Variants in TMEM108 observed in about 807,000 individuals in gnomAD.
TMEM108 encodes transmembrane protein 108, also known as cancer/testis antigen 124.
TMEM108 carries 12 observed loss-of-function variants against 35.1 expected under a neutral mutation model. The ratio of observed to expected loss-of-function variants is 0.34; its 90% CI spans 0.22 to 0.55. TMEM108 has a LOEUF of 0.55. Among genes scored for constraint, TMEM108 ranks in the 20% least tolerant of loss-of-function variants. TMEM108 has a pLI of 0.89. For synonymous variants in TMEM108, 287 were observed against 308.6 expected (o/e 0.93, Z 0.73); for missense variants, 680 against 753.3 (o/e 0.90, Z 1.14).
chr3:133,115,710 TTTG>T (rs1223005828), intron 2 of TMEM108, among the ~76,000 whole-genome samples: 1 of 152,192 alleles, frequency 6.6e-6, no homozygotes, highest in Admixed American at 6.5e-5. Flanking sequence ...TTCTTACAGA[TTTG>T]TTGTGATAAT....
At position 133,227,189 on chromosome 3, in the gene TMEM108, C is replaced by CTTTT. The variant is rs35518753; in HGVS notation, c.-46-2057_-46-2054dup. 5.8e-4 allele frequency among the ~76,000 whole-genome samples: 48 copies of CTTTT among 83,476 alleles called. 1 individual carries two copies. Among genetic ancestry groups the CTTTT allele is most frequent in the Middle Eastern group, 8.6e-3 (1 of 116 alleles). 54.8% of individuals were successfully genotyped at this position (83,476 alleles called of 152,430 possible). On this transcript the variant is annotated intron_variant, in intron 2 of 5. Transcript: ENST00000321871. The stretch of plus-strand genomic sequence containing the variant: ...TAATCTTGGACTAAGGAAGGCCTTT[C>CTTTT]TTTTTTTTTTTTTTTTTTTTTTTGA...
At chr3:133,110,593 A>G (rs1448360851) in intron 2 of TMEM108, among the ~76,000 whole-genome samples, 3 of 152,144 alleles carry the variant, frequency 2.0e-5, no homozygotes, top group Non-Finnish European at 4.4e-5. Context: ...TTGTTGTCAC[A>G]TAGCCAGAGA....
At chr3:133,223,695 A>C (rs1247472161) in intron 2 of TMEM108, among the ~76,000 whole-genome samples, 1 of 152,236 alleles carries the variant, frequency 6.6e-6, no homozygotes, top group Admixed American at 6.5e-5. Context: ...CATCATTAGA[A>C]TAGTAAGTTA....
intron 3 of TMEM108, among the ~76,000 whole-genome samples, chr3:133,229,821 A>G (rs774365198): frequency 2.6e-5 from 4 of 152,216 alleles, no homozygotes; most frequent in Non-Finnish European, 5.9e-5. Context: ...TTAAAATGTT[A>G]TGCATAGCTA....
intron 2 of TMEM108, among the ~76,000 whole-genome samples, chr3:133,168,567 G>A (rs1365476498): frequency 6.6e-6 from 1 of 152,098 alleles, no homozygotes; most frequent in Non-Finnish European, 1.5e-5. Context: ...GGTAAAAAAA[G>A]GACCAATCAG....
At chr3:133,109,933 T>C (rs942976253) in intron 2 of TMEM108, among the ~76,000 whole-genome samples, 23 of 152,170 alleles carry the variant, frequency 1.5e-4, no homozygotes, top group African/African-American at 5.5e-4. Context: ...GAATTGTGAT[T>C]TGTAGCTATG....
At chr3:133,336,651 C>T (rs1201262338) in intron 3 of TMEM108, among the ~76,000 whole-genome samples, 2 of 151,872 alleles carry the variant, frequency 1.3e-5, no homozygotes, top group Admixed American at 1.3e-4. Flanking sequence ...ACTACTTCTG[C>T]TTGAGAAAAG....
chr3:133,317,268 T>A (rs1445344299), intron 3 of TMEM108, among the ~76,000 whole-genome samples: 2 of 152,002 alleles, frequency 1.3e-5, no homozygotes, highest in Non-Finnish European at 2.9e-5. Context: ...TGATGGCCTT[T>A]AAAAAAAACT....
chr3:133,382,549 A>ACCAT (rs1354675540), intron 4 of TMEM108, among the ~76,000 whole-genome samples: 1 of 152,170 alleles, frequency 6.6e-6, no homozygotes, highest in African/African-American at 2.4e-5. Flanking sequence ...CTGGCTACGG[A>ACCAT]AGAGGGAGCC....
At chr3:133,249,255 G>A (rs1229475731) in intron 3 of TMEM108, among the ~76,000 whole-genome samples, 1 of 152,162 alleles carries the variant, frequency 6.6e-6, no homozygotes, top group African/African-American at 2.4e-5. Flanking sequence ...TGTTTCAGAG[G>A]GTGAAAAGAA....
intron 3 of TMEM108, among the ~76,000 whole-genome samples, chr3:133,300,061 G>T (rs564180909): frequency 4.0e-4 from 61 of 152,234 alleles, no homozygotes; most frequent in Non-Finnish European, 6.2e-4. Context: ...GTTAGAATCG[G>T]TAGACTACTT....
chr3:133,218,929 T>G (rs1002014781), intron 2 of TMEM108, among the ~76,000 whole-genome samples: 50 of 152,036 alleles, frequency 3.3e-4, no homozygotes, highest in African/African-American at 1.1e-3. Flanking sequence ...CTTCTTAAGT[T>G]TTTTTTGGAA....
intron 4 of TMEM108, chr3:133,388,614 A>G (rs1014236165): frequency 9.1e-6 from 9 of 985,316 alleles, no homozygotes; most frequent in Non-Finnish European, 8.4e-6. Context: ...AAAAGGATCT[A>G]GAAGACTGAA....
At chr3:133,357,549 G>A (rs2072210856) in intron 3 of TMEM108, among the ~76,000 whole-genome samples, 1 of 152,078 alleles carries the variant, frequency 6.6e-6, no homozygotes, top group Non-Finnish European at 1.5e-5. Flanking sequence ...ACCAACGAAT[G>A]GATAAAGAAA....
intron 2 of TMEM108, among the ~76,000 whole-genome samples, chr3:133,143,614 A>G (rs950745962): frequency 2.0e-5 from 3 of 152,212 alleles, no homozygotes; most frequent in Non-Finnish European, 1.5e-5. Context: ...ATGAGGAAAC[A>G]GGTACAGAGA....
intron 3 of TMEM108, among the ~76,000 whole-genome samples, chr3:133,245,917 A>G (rs1420521814): frequency 1.3e-5 from 2 of 152,336 alleles, no homozygotes; most frequent in Non-Finnish European, 2.9e-5. Context: ...TTATTTCAAC[A>G]TATAATCAAT....
At chr3:133,392,456 C>G (rs951756651) in intron 5 of TMEM108, among the ~76,000 whole-genome samples, 3 of 152,170 alleles carry the variant, frequency 2.0e-5, no homozygotes, top group African/African-American at 7.2e-5. Context: ...AGCCACTGCC[C>G]CCAGTCACTT....
At chr3:133,186,033 G>T (rs1945416363) in intron 2 of TMEM108, among the ~76,000 whole-genome samples, 1 of 150,272 alleles carries the variant, frequency 6.7e-6, no homozygotes, top group African/African-American at 2.4e-5. Flanking sequence ...CTCCCAAAGT[G>T]CTGGGATTAC....
At position 133,311,995 on chromosome 3, in the gene TMEM108, G is replaced by A. The variant is rs149873420; in HGVS notation, c.41-67757G>A. Among the ~76,000 whole-genome samples the A allele has an allele frequency of 5.0e-4, 76 of 152,344 alleles. No individual in the cohort carries two copies. The East Asian group carries it at 0.011, about 22-fold the overall frequency. ...CTCAGCTGCAGGTCTGTTGGAGTTT[G>A]CTGGACATCCACTCCAGACCCTGTT... On this transcript the variant is annotated intron_variant, in intron 3 of 5. Coordinates refer to ENST00000321871, the MANE Select transcript of TMEM108 (RefSeq NM_023943.4).
Sources: gnomAD v4.1 joint callset for allele counts (sites outside exome capture counted in the v4.1 genomes callset) on GRCh38, gnomAD v4.1.1 for gene constraint, MANE v1.5 for transcripts, NCBI Gene and HGNC (gene_info 2026-07-23, HGNC 2026-07-21) for gene names.